STX4: variants seen among roughly 807,000 people sequenced by gnomAD.
The protein encoded by STX4 is syntaxin-4.
STX4 carries 24 observed loss-of-function variants against 41.8 expected under a neutral mutation model. The observed-to-expected ratio is 0.57, with a 90% CI of 0.42 to 0.81. The LOEUF (loss-of-function observed/expected upper bound fraction) is 0.81. Among genes scored for constraint, STX4 ranks in the 30% least tolerant of loss-of-function variants. The probability of loss-of-function intolerance (pLI) is 0.00; values close to 1 mark genes in which losing one functional copy is unlikely to be tolerated. For synonymous variants in STX4, 158 were observed against 156.4 expected (o/e 1.01, Z -0.08); for missense variants, 316 against 389.9 (o/e 0.81, Z 1.60).
Position 31,033,659 on chromosome 16 carries a change from T to C in STX4, c.-147T>C. The stretch of plus-strand genomic sequence containing the variant: ...GCGCCTTCCCATTGACTGTGGGCGG[T>C]GCAAGGGACGGAGCCTCTGGCGGCT... On this transcript the variant is annotated 5_prime_UTR_variant, in exon 1 of 11. Coordinates refer to ENST00000313843, the MANE Select transcript of STX4 (RefSeq NM_004604.5). The surrounding 1 kb of genome is among the most constrained non-coding windows in gnomAD (Gnocchi z 5.5). 1.4e-6 allele frequency: 2 copies of C among 1,451,966 alleles called. No individual in the cohort carries two copies. Among genetic ancestry groups the C allele is most frequent in the Non-Finnish European group, 9.0e-7 (1 of 1,105,726 alleles). The allele number at this position is 1,451,966 out of a possible 1,614,324, so 89.9% of individuals were successfully genotyped here.
At position 31,039,311 on chromosome 16, in the gene STX4, T is replaced by C; in HGVS notation, c.703-230T>C. 1 of 522,956 alleles carries C rather than the reference T, an allele frequency of 1.9e-6. No homozygotes were observed. The highest frequency in any genetic ancestry group is 2.2e-5 in the South Asian group (1 of 44,672). 32.4% of individuals were successfully genotyped at this position (522,956 alleles called of 1,614,324 possible). A position where few individuals can be genotyped will look rare whatever the true frequency, so the allele number is the denominator to read the frequency against. On this transcript the variant is annotated intron_variant, in intron 8 of 10. Coordinates refer to ENST00000313843, the MANE Select transcript of STX4 (RefSeq NM_004604.5). This position sits in a 1 kb window ranked among gnomAD's most constrained non-coding sequence, Gnocchi z 4.1. ...CCATTTGAGGCCCTTAGCTCCAAGC[T>C]ACCACTGCAGATAGAGGTTGTATGG...
At chr16:31,036,933 G>A (rs765539043) in intron 5 of STX4, among the ~76,000 whole-genome samples, 27 of 151,896 alleles carry the variant, frequency 1.8e-4, no homozygotes, top group Non-Finnish European at 3.5e-4. Flanking sequence ...GGGAGAAGGA[G>A]AGATCATAGA....
At position 31,036,214 on chromosome 16, in the gene STX4, G is replaced by A. The variant is rs571371184; in HGVS notation, c.378+1174G>A. The stretch of plus-strand genomic sequence containing the variant: ...TCAGCAGGGACCCCAGATTGAAGAT[G>A]GAGCAGCTTGGGCATCTTGGAAGGG... On this transcript the variant is annotated intron_variant, in intron 5 of 10. Transcript: ENST00000313843. Among the ~76,000 whole-genome samples the A allele has an allele frequency of 2.6e-5, 4 of 152,222 alleles. No individual in the cohort carries two copies. The East Asian group carries it at 7.7e-4, about 29-fold the overall frequency.
In STX4 at chr16:31,033,571, G is replaced by A; in HGVS notation, c.-235G>A. 1.9e-6 allele frequency: 3 copies of A among 1,541,480 alleles called. No individual in the cohort carries two copies. Among genetic ancestry groups the A allele is most frequent in the South Asian group, 1.2e-5 (1 of 83,558 alleles). On this transcript the variant is annotated 5_prime_UTR_variant, in exon 1 of 11. Transcript: ENST00000313843. The surrounding 1 kb of genome is among the most constrained non-coding windows in gnomAD (Gnocchi z 5.5). ...CGGAGGGGCGGGGCTGAGGCTGCGG[G>A]AGCTGGAGCGGGGAAGAAAAGGGAA...
chr16:31,038,470 C>A, intron 7 of STX4, 40 bp from the exon 8 acceptor site: 1 of 1,607,814 alleles, frequency 6.2e-7, no homozygotes, highest in South Asian at 1.1e-5. Flanking sequence ...TGCTGTCGGT[C>A]TCCCTGTGAA....
chr16:31,038,393 C>T (rs2056819243), intron 7 of STX4, 117 bp from the exon 8 acceptor site: 3 of 1,459,300 alleles, frequency 2.1e-6, no homozygotes, highest in Non-Finnish European at 2.8e-6. Flanking sequence ...ATTAATTAGC[C>T]TGCCTGGAGT....
chr16:31,033,406 G>C (rs1480517129), upstream of STX4: 1 of 1,341,966 alleles, frequency 7.5e-7, no homozygotes, highest in South Asian at 1.3e-5. This position sits in a 1 kb window ranked among gnomAD's most constrained non-coding sequence, Gnocchi z 5.5. Context: ...GTTGGAAGAT[G>C]CAACGGTTCC....
At chr16:31,037,065 T>C (rs12446788) in intron 5 of STX4, among the ~76,000 whole-genome samples, 2,191 of 41,956 alleles carry the variant, frequency 0.052, 33 homozygotes, top group African/African-American at 0.088. Context: ...CCCCCCCCCC[T>C]TTTTTTTTTT....
chr16:31,033,633 G>A lies in STX4; in HGVS notation c.-173G>A. On this transcript the variant is annotated 5_prime_UTR_variant, in exon 1 of 11. Transcript: ENST00000313843. This position sits in a 1 kb window ranked among gnomAD's most constrained non-coding sequence, Gnocchi z 5.5. Reference sequence around the variant, plus strand: ...GGAACCTTGGGGGGTCCCCGGGGTCGGCGCCTTCCCATTGACTGTGGGCGG... The same window carrying A: ...GGAACCTTGGGGGGTCCCCGGGGTCAGCGCCTTCCCATTGACTGTGGGCGG... 1 of 1,475,774 alleles carries A rather than the reference G, an allele frequency of 6.8e-7. No individual in the cohort carries two copies. The highest frequency in any genetic ancestry group is 1.4e-5 in the South Asian group (1 of 73,348). The allele number at this position is 1,475,774 out of a possible 1,614,324, so 91.4% of individuals were successfully genotyped here.
chr16:31,033,130 C>T, upstream of STX4: 1 of 541,738 alleles, frequency 1.8e-6, no homozygotes, highest in Admixed American at 2.2e-5. This position sits in a 1 kb window ranked among gnomAD's most constrained non-coding sequence, Gnocchi z 5.5. Flanking sequence ...GGGTGGTCGG[C>T]GCGCCCCTCC....
chr16:31,036,260 C>T (rs1277486461), intron 5 of STX4, among the ~76,000 whole-genome samples: 1 of 152,054 alleles, frequency 6.6e-6, no homozygotes, highest in African/African-American at 2.4e-5. Flanking sequence ...ACCAGGAAAG[C>T]AGATGTATCT....
Position 31,039,934 on chromosome 16 carries a change from AGG to A in STX4, c.*40_*41del. On this transcript the variant is annotated 3_prime_UTR_variant, in exon 11 of 11. Transcript: ENST00000313843. The surrounding 1 kb of genome is among the most constrained non-coding windows in gnomAD (Gnocchi z 4.1). ...CAGGCACTAGGAGCACCAGGAACCC[AGG>A]GCCTGGCCTTCTCTCCCAGCAGCCT... 1 of 1,085,976 alleles carries A rather than the reference AGG, an allele frequency of 9.2e-7. No homozygotes were observed. The highest frequency in any genetic ancestry group is 1.4e-6 in the Non-Finnish European group (1 of 731,968). The allele number at this position is 1,085,976 out of a possible 1,614,324, so 67.3% of individuals were successfully genotyped here.
In STX4 at chr16:31,033,581, G is replaced by T. The variant is rs994784759; in HGVS notation, c.-225G>T. The T allele has an allele frequency of 6.5e-7, 1 of 1,533,912 alleles. No homozygotes were observed. The highest frequency in any genetic ancestry group is 2.5e-5 in the East Asian group (1 of 40,692). On this transcript the variant is annotated 5_prime_UTR_variant, in exon 1 of 11. Transcript: ENST00000313843. The surrounding 1 kb of genome is among the most constrained non-coding windows in gnomAD (Gnocchi z 5.5). Reference sequence around the variant, plus strand: ...GGGCTGAGGCTGCGGGAGCTGGAGCGGGGAAGAAAAGGGAATTCCAACCTG... The same window carrying T: ...GGGCTGAGGCTGCGGGAGCTGGAGCTGGGAAGAAAAGGGAATTCCAACCTG...
Position 31,040,052 on chromosome 16 carries a change from TC to T in STX4, c.*157del. Reference sequence around the variant, plus strand: ...CAGTTCTTCTGGGGTTGGCAGCTGCTCATTCATGATGGCCTCCTCCTTCAGG... The same window carrying T: ...CAGTTCTTCTGGGGTTGGCAGCTGCTATTCATGATGGCCTCCTCCTTCAGG... On this transcript the variant is annotated 3_prime_UTR_variant, in exon 11 of 11. Transcript: ENST00000313843. The T allele has an allele frequency of 1.8e-6, 1 of 566,988 alleles. No homozygotes were observed. The highest frequency in any genetic ancestry group is 2.1e-5 in the South Asian group (1 of 48,768). The allele number at this position is 566,988 out of a possible 1,614,324, so 35.1% of individuals were successfully genotyped here. A position where few individuals can be genotyped will look rare whatever the true frequency, so the allele number is the denominator to read the frequency against.
At position 31,038,140 on chromosome 16, in the gene STX4, G is replaced by C; in HGVS notation, c.514G>C (p.Glu172Gln). Reference sequence around the variant, plus strand: ...CAATGCTGGGATGGTGTCTGATGAGGAGTTGGAGCAGATGCTGGACAGTGG... The same window carrying C: ...CAATGCTGGGATGGTGTCTGATGAGCAGTTGGAGCAGATGCTGGACAGTGG... ...ITNAGMVSDE[E>Q]LEQMLDSGQS... is the part of the protein sequence containing the mutation. The change falls in exon 7 of 11, where the codon GAG becomes CAG. Residue 172 changes from glutamate (E) to glutamine (Q), a missense_variant. Transcript: ENST00000313843. 6.2e-7 allele frequency: 1 copy of C among 1,614,146 alleles called. No individual in the cohort carries two copies. The highest frequency in any genetic ancestry group is 8.5e-7 in the Non-Finnish European group (1 of 1,180,016).
chr16:31,036,457 A>G (rs2056800117), intron 5 of STX4, among the ~76,000 whole-genome samples: 1 of 152,054 alleles, frequency 6.6e-6, no homozygotes, highest in African/African-American at 2.4e-5. Flanking sequence ...TAGGCGTAGG[A>G]GCTGTGGTGT....
intron 2 of STX4, 36 bp downstream of exon 2, chr16:31,034,150 G>GT: frequency 6.2e-7 from 1 of 1,611,540 alleles, no homozygotes; most frequent in African/African-American, 1.3e-5. Context: ...ATTCGCGAGG[G>GT]TGTAGGAGGA....
chr16:31,038,519 G>A lies in STX4; in HGVS notation c.574G>A (p.Asp192Asn). 1 of 1,614,088 alleles carries A rather than the reference G, an allele frequency of 6.2e-7. No individual in the cohort carries two copies. Among genetic ancestry groups the A allele is most frequent in the Non-Finnish European group, 8.5e-7 (1 of 1,180,002 alleles). Residue 192 changes from aspartate to asparagine, a missense_variant, in exon 8 of 11, where the codon GAC becomes AAC. Asp to Asn is a conservative substitution (Grantham distance 23). Transcript: ENST00000313843. ...SEVFVSNILK[D>N]TQVTRQALNE... ...CCTGTCCACCCCCCAGATCCTGAAG[G>A]ACACGCAGGTGACTCGACAGGCCTT...
In STX4 at chr16:31,033,726, C is replaced by CA. The variant is rs2056774267; in HGVS notation, c.-79dup. ...TCCGCAGGGGGAGGGAGGGGAGTGT[C>CA]AGAGTGTGAGCGGGGTACGGGAATT... is the stretch of plus-strand genomic sequence containing the variant. On this transcript the variant is annotated 5_prime_UTR_variant, in exon 1 of 11. Coordinates refer to ENST00000313843, the MANE Select transcript of STX4 (RefSeq NM_004604.5). This position sits in a 1 kb window ranked among gnomAD's most constrained non-coding sequence, Gnocchi z 5.5. 2 of 1,452,258 alleles carry CA rather than the reference C, an allele frequency of 1.4e-6. No individual in the cohort carries two copies. Among genetic ancestry groups the CA allele is most frequent in the Admixed American group, 2.9e-5 (1 of 34,984 alleles). The allele number at this position is 1,452,258 out of a possible 1,614,324, so 90.0% of individuals were successfully genotyped here. A position where few individuals can be genotyped will look rare whatever the true frequency, so the allele number is the denominator to read the frequency against.
Sources: gnomAD v4.1 joint callset for allele counts (sites outside exome capture counted in the v4.1 genomes callset) on GRCh38, gnomAD v4.1.1 for gene constraint, Gnocchi (gnomAD v3.1) non-coding constraint, MANE v1.5 for transcripts, NCBI Gene and HGNC (gene_info 2026-07-23, HGNC 2026-07-21) for gene names.